Variants in KLHL1 observed in about 807,000 individuals in gnomAD.
The protein encoded by KLHL1 is kelch like family member 1.
A neutral mutation model predicts 77.7 loss-of-function variants in KLHL1; 47 were observed. The observed-to-expected ratio is 0.60, with a 90% CI of 0.48 to 0.77. The LOEUF (loss-of-function observed/expected upper bound fraction) is 0.77. Ranked by LOEUF, KLHL1 falls within the 30% of genes least tolerant of loss-of-function variation. The pLI is 0.00. For synonymous variants in KLHL1, 360 were observed against 325.2 expected (o/e 1.11, Z -1.15); for missense variants, 925 against 910.8 (o/e 1.02, Z -0.20).
chr13:69,863,482 GA>G (rs56316232), intron 5 of KLHL1, among the ~76,000 whole-genome samples: 47,831 of 149,822 alleles, frequency 0.32, 8,029 homozygotes, highest in African/African-American at 0.45. Flanking sequence ...GAGTGTATAT[GA>G]AAAAAAAACA....
At chr13:69,825,988 AG>A (rs1362313992) in intron 6 of KLHL1, among the ~76,000 whole-genome samples, 8 of 12,698 alleles carry the variant, frequency 6.3e-4, no homozygotes, top group African/African-American at 1.0e-3. Context: ...ACTTACTTAC[AG>A]AAAAAAAAAG....
chr13:69,802,878 C>G (rs1593846353), intron 6 of KLHL1: 1 of 152,088 alleles, frequency 6.6e-6, no homozygotes, highest in East Asian at 1.9e-4. Flanking sequence ...TGTGGCTTGT[C>G]CTGCTACATT....
intron 4 of KLHL1, among the ~76,000 whole-genome samples, chr13:69,935,648 G>C (rs1025260628): frequency 1.3e-5 from 2 of 151,980 alleles, no homozygotes; most frequent in African/African-American, 4.8e-5. Flanking sequence ...TCCATCAGAG[G>C]GAAGAAAGAA....
chr13:69,922,570 A>T (rs977292223), intron 4 of KLHL1, among the ~76,000 whole-genome samples: 1 of 152,232 alleles, frequency 6.6e-6, no homozygotes, highest in Non-Finnish European at 1.5e-5. Flanking sequence ...TAACCTCCTA[A>T]TTTAAGAAAA....
intron 1 of KLHL1, among the ~76,000 whole-genome samples, chr13:69,980,861 A>G (rs1208605374): frequency 2.6e-5 from 4 of 152,158 alleles, no homozygotes; most frequent in African/African-American, 4.8e-5. Context: ...GAGTTCAACA[A>G]CTATTTGTTG....
chr13:70,046,448 C>T (rs1028206352), intron 1 of KLHL1, among the ~76,000 whole-genome samples: 24 of 152,080 alleles, frequency 1.6e-4, no homozygotes, highest in Admixed American at 1.2e-3. Context: ...CCAGGTTCAT[C>T]TCACTTCATG....
intron 8 of KLHL1, among the ~76,000 whole-genome samples, chr13:69,724,557 C>T (rs148577475): frequency 1.2e-4 from 18 of 152,042 alleles, no homozygotes; most frequent in African/African-American, 1.4e-4. Context: ...AACAAACAAA[C>T]AAAAACTAGA....
chr13:69,902,368 A>T (rs1881896791), intron 4 of KLHL1, among the ~76,000 whole-genome samples: 1 of 152,132 alleles, frequency 6.6e-6, no homozygotes, highest in African/African-American at 2.4e-5. Flanking sequence ...AAAATATAGA[A>T]AGCTCATGGA....
chr13:69,848,064 G>T (rs1209541242), intron 5 of KLHL1, among the ~76,000 whole-genome samples: 4 of 151,626 alleles, frequency 2.6e-5, no homozygotes, highest in Non-Finnish European at 5.9e-5. Flanking sequence ...AAAGAGTTCA[G>T]TCATCACAGA....
At chr13:69,793,333 T>A (rs1321060412) in intron 7 of KLHL1, among the ~76,000 whole-genome samples, 1 of 152,032 alleles carries the variant, frequency 6.6e-6, no homozygotes, top group East Asian at 1.9e-4. Context: ...TTTAATTCCC[T>A]GGGCAGATCT....
At chr13:69,727,044 T>G (rs1165450043) in intron 8 of KLHL1, among the ~76,000 whole-genome samples, 1 of 152,074 alleles carries the variant, frequency 6.6e-6, no homozygotes, top group Non-Finnish European at 1.5e-5. Context: ...CAGGGAAAAT[T>G]ATTAATTATG....
chr13:70,022,348 T>C (rs1303121401), intron 1 of KLHL1, among the ~76,000 whole-genome samples: 2 of 151,578 alleles, frequency 1.3e-5, no homozygotes, highest in East Asian at 3.9e-4. Flanking sequence ...ATTGACCTAG[T>C]TCCTATATGT....
chr13:69,943,273 G>A (rs1883419142), intron 3 of KLHL1, among the ~76,000 whole-genome samples: 1 of 151,680 alleles, frequency 6.6e-6, no homozygotes, highest in Admixed American at 6.6e-5. Flanking sequence ...AGAATTTGTT[G>A]GATGATAGAT....
At chr13:69,870,527 G>C (rs1050307199) in intron 5 of KLHL1, among the ~76,000 whole-genome samples, 1 of 151,738 alleles carries the variant, frequency 6.6e-6, no homozygotes, top group African/African-American at 2.4e-5. Flanking sequence ...ATATCATCAT[G>C]CCACCCCAAT....
chr13:70,057,502 C>T (rs1307092746), intron 1 of KLHL1, among the ~76,000 whole-genome samples: 1 of 142,018 alleles, frequency 7.0e-6, no homozygotes, highest in African/African-American at 2.6e-5. Context: ...AGAGGCCGGG[C>T]GCGGTGGCTC....
intron 4 of KLHL1, among the ~76,000 whole-genome samples, chr13:69,905,543 A>G (rs1178199168): frequency 1.3e-5 from 2 of 152,066 alleles, no homozygotes; most frequent in African/African-American, 4.8e-5. Flanking sequence ...TTAAAAAGTA[A>G]GACCAAATTC....
chr13:69,727,426 G>C (rs1387939032), intron 8 of KLHL1, among the ~76,000 whole-genome samples: 1 of 152,048 alleles, frequency 6.6e-6, no homozygotes, highest in South Asian at 2.1e-4. Flanking sequence ...ATAAGAAAAA[G>C]CAATGAAAGG....
At chr13:69,716,485 T>G (rs1876125765) in intron 9 of KLHL1, among the ~76,000 whole-genome samples, 2 of 152,202 alleles carry the variant, frequency 1.3e-5, no homozygotes, top group Admixed American at 6.6e-5. Context: ...TTTTTCTTTC[T>G]GGTCAAATTT....
At chr13:69,926,057 C>A (rs76314026) in intron 4 of KLHL1, among the ~76,000 whole-genome samples, 1,818 of 152,280 alleles carry the variant, frequency 0.012, 15 homozygotes, top group Middle Eastern at 0.031. Context: ...TCTCTTTTAA[C>A]CTTGCACAAT....
Sources: gnomAD v4.1 joint callset for allele counts (sites outside exome capture counted in the v4.1 genomes callset) on GRCh38, gnomAD v4.1.1 for gene constraint, MANE v1.5 for transcripts, NCBI Gene and HGNC (gene_info 2026-07-23, HGNC 2026-07-21) for gene names.